The following RNF38 variants were observed in gnomAD, a reference collection of about 807,000 sequenced individuals.
RNF38 encodes the protein E3 ubiquitin-protein ligase RNF38.
Under a neutral mutation model 67.2 loss-of-function variants are expected in RNF38, and 15 were observed. The observed-to-expected ratio is 0.22, with a 90% CI of 0.15 to 0.34. RNF38 has a LOEUF of 0.34. Among genes scored for constraint, RNF38 ranks in the 10% least tolerant of loss-of-function variants. The probability of loss-of-function intolerance (pLI) is 1.00; values close to 1 mark genes in which losing one functional copy is unlikely to be tolerated. For synonymous variants in RNF38, 220 were observed against 218.8 expected (o/e 1.01, Z -0.05); for missense variants, 524 against 639.9 (o/e 0.82, Z 1.95).
chr9:36,378,511 G>A (rs375629124), intron 2 of RNF38, among the ~76,000 whole-genome samples: 1 of 151,998 alleles, frequency 6.6e-6, no homozygotes, highest in African/African-American at 2.4e-5. Context: ...TGCTAGTAAC[G>A]AATCATGATC....
chr9:36,430,186 G>T (rs1473781862), intron 1 of RNF38, among the ~76,000 whole-genome samples: 1 of 152,064 alleles, frequency 6.6e-6, no homozygotes, highest in East Asian at 1.9e-4. Flanking sequence ...TCAGAGAAAA[G>T]CAGAAGGCCA....
chr9:36,467,748 G>A (rs901481268), intron 1 of RNF38, among the ~76,000 whole-genome samples: 2 of 152,088 alleles, frequency 1.3e-5, no homozygotes, highest in African/African-American at 4.8e-5. Flanking sequence ...ACACCAAAAT[G>A]GTACCTGTTA....
intron 2 of RNF38, among the ~76,000 whole-genome samples, chr9:36,418,628 A>C (rs1227197980): frequency 2.6e-5 from 4 of 152,100 alleles, no homozygotes; most frequent in African/African-American, 9.7e-5. Context: ...TCTACTAAAA[A>C]TACAAAAATT....
chr9:36,455,988 GA>G (rs1839585726), intron 1 of RNF38, among the ~76,000 whole-genome samples: 2 of 151,212 alleles, frequency 1.3e-5, no homozygotes, highest in African/African-American at 4.9e-5. Context: ...CCAAATCACA[GA>G]AAAGGTAGCC....
At chr9:36,417,284 T>C (rs1488236374) in intron 2 of RNF38, among the ~76,000 whole-genome samples, 4 of 152,130 alleles carry the variant, frequency 2.6e-5, no homozygotes, top group Admixed American at 1.3e-4. Flanking sequence ...ATAATTTCGG[T>C]TTTACTGTTA....
intron 2 of RNF38, among the ~76,000 whole-genome samples, chr9:36,383,161 TGAG>T (rs1328161733): frequency 6.6e-6 from 1 of 152,188 alleles, no homozygotes; most frequent in African/African-American, 2.4e-5. Context: ...CTCCACAAGC[TGAG>T]GTTTTCATTT....
chr9:36,462,034 G>A (rs1277697533), intron 1 of RNF38, among the ~76,000 whole-genome samples: 1 of 152,182 alleles, frequency 6.6e-6, no homozygotes, highest in Non-Finnish European at 1.5e-5. Flanking sequence ...ATATGCAAAG[G>A]TAAGAGGAAA....
At chr9:36,342,876 C>T (rs540643037) in intron 10 of RNF38, among the ~76,000 whole-genome samples, 92 of 152,214 alleles carry the variant, frequency 6.0e-4, no homozygotes, top group African/African-American at 2.1e-3. Context: ...ATTAAAAGCA[C>T]AAGAATTAAC....
At chr9:36,460,192 T>C (rs912784517) in intron 1 of RNF38, among the ~76,000 whole-genome samples, 2 of 152,194 alleles carry the variant, frequency 1.3e-5, no homozygotes, top group Admixed American at 6.5e-5. Context: ...CTACAAGACG[T>C]TGAGGATTAA....
chr9:36,438,820 T>C (rs1027496479), intron 1 of RNF38, among the ~76,000 whole-genome samples: 3 of 152,206 alleles, frequency 2.0e-5, no homozygotes, highest in African/African-American at 7.2e-5. Context: ...TCTCTCCTCC[T>C]CTCACTACCT....
At position 36,482,066 on chromosome 9, in the gene RNF38, T is replaced by A. The variant is rs66697184; in HGVS notation, n.241+5242A>T. Among the ~76,000 whole-genome samples the A allele has an allele frequency of 5.7e-5, 8 of 140,270 alleles. No homozygotes were observed. In the East Asian group the frequency reaches 6.3e-4, roughly 11 times the overall value. The allele number at this position is 140,270 out of a possible 152,430, so 92.0% of individuals were successfully genotyped here. On this transcript the variant is annotated intron_variant and non_coding_transcript_variant, in intron 1 of 3. Coordinates refer to the RNF38 transcript ENST00000488058. ...CTTTTGTCTTTTTTTTTTTTTTTTT[T>A]TTTTGAGACGAAGTTTCGCTCTTGT... is the stretch of plus-strand genomic sequence containing the variant.
At chr9:36,397,069 A>ATG (rs1434924274) in intron 1 of RNF38, among the ~76,000 whole-genome samples, 1 of 94,352 alleles carries the variant, frequency 1.1e-5, no homozygotes, top group Non-Finnish European at 2.5e-5. Flanking sequence ...ATACGTATAT[A>ATG]TATGTGTGTG....
chr9:36,412,434 C>T (rs1838349071), intron 2 of RNF38, among the ~76,000 whole-genome samples: 1 of 152,232 alleles, frequency 6.6e-6, no homozygotes, highest in Non-Finnish European at 1.5e-5. Flanking sequence ...ACTTGCACAA[C>T]ATGAATCTTG....
At chr9:36,487,423 T>C in exon 1 of RNF38, 1 of 975,606 alleles carries the variant, frequency 1.0e-6, no homozygotes, top group Non-Finnish European at 1.2e-6. Flanking sequence ...GCGGCGGCGG[T>C]GGGGGGCGCG....
chr9:36,389,657 ATTT>A (rs1836920544), intron 2 of RNF38, among the ~76,000 whole-genome samples: 1 of 152,142 alleles, frequency 6.6e-6, no homozygotes, highest in Admixed American at 6.6e-5. Context: ...ATCCCTCCAA[ATTT>A]TTTATCTCCA....
At chr9:36,427,689 ATCTATCTATCTAT>A (rs1838810455) in intron 1 of RNF38, among the ~76,000 whole-genome samples, 3 of 148,076 alleles carry the variant, frequency 2.0e-5, no homozygotes, top group Non-Finnish European at 4.4e-5. Flanking sequence ...CTATCTATCT[ATCTATCTATCTAT>A]CTACCTACCT....
intron 2 of RNF38, among the ~76,000 whole-genome samples, chr9:36,411,032 A>G (rs1050804562): frequency 6.6e-6 from 1 of 152,180 alleles, no homozygotes; most frequent in Non-Finnish European, 1.5e-5. Flanking sequence ...TTAAGATGGT[A>G]CATTTTATGT....
intron 1 of RNF38, among the ~76,000 whole-genome samples, chr9:36,460,176 T>C (rs1441139730): frequency 6.6e-6 from 1 of 152,166 alleles, no homozygotes; most frequent in Admixed American, 6.6e-5. Flanking sequence ...ATACTAAGAA[T>C]GTTGCCTACA....
chr9:36,454,927 T>G lies in RNF38; in HGVS notation n.242-30244A>C, dbSNP rs567278061. ...ACAGATTTTCAAGGTTATATATTTA[T>G]GCTAGTTAACAAAAACTGTGTTGTA... On this transcript the variant is annotated intron_variant and non_coding_transcript_variant, in intron 1 of 3. Coordinates refer to the RNF38 transcript ENST00000488058. 6.6e-4 allele frequency among the ~76,000 whole-genome samples: 100 copies of G among 152,362 alleles called. 2 individuals are homozygous for G. The highest frequency in any genetic ancestry group is 2.1e-3 in the African/African-American group (87 of 41,584).
Sources: gnomAD v4.1 joint callset for allele counts (sites outside exome capture counted in the v4.1 genomes callset) on GRCh38, gnomAD v4.1.1 for gene constraint, MANE v1.5 for transcripts, NCBI Gene and HGNC (gene_info 2026-07-23, HGNC 2026-07-21) for gene names.